STAB2: variants seen among roughly 807,000 people sequenced by gnomAD.
The protein encoded by STAB2 is stabilin 2, also known as stabilin-2.
A neutral mutation model predicts 338.1 loss-of-function variants in STAB2; 288 were observed. That is an observed-to-expected ratio of 0.85 (90% CI 0.77 to 0.94). The LOEUF is 0.94. Among genes scored for constraint, STAB2 ranks in the 40% least tolerant of loss-of-function variants. STAB2 has a pLI of 0.00. For synonymous variants in STAB2, 1,202 were observed against 1,193.3 expected, an observed-to-expected ratio of 1.01 and a Z score of -0.15; for missense variants, 3,141 against 3,210.1, an observed-to-expected ratio of 0.98 and a Z score of 0.52.
intron 3 of STAB2, among the ~76,000 whole-genome samples, chr12:103,602,120 C>T (rs1422631050): frequency 6.6e-6 from 1 of 152,184 alleles, no homozygotes; most frequent in Non-Finnish European, 1.5e-5. Flanking sequence ...TTGTCAAGCC[C>T]TCCTTCAACT....
intron 27 of STAB2, 48 bp from the exon 28 acceptor site, chr12:103,688,120 T>C: frequency 3.2e-6 from 5 of 1,565,410 alleles, no homozygotes; most frequent in Non-Finnish European, 4.4e-6. Flanking sequence ...GTTCTTTCTC[T>C]GTGTTCTCTC....
At chr12:103,673,739 A>T (rs1876054026) in intron 22 of STAB2, among the ~76,000 whole-genome samples, 168 bp from the exon 23 acceptor site, 1 of 152,000 alleles carries the variant, frequency 6.6e-6, no homozygotes, top group Non-Finnish European at 1.5e-5. Context: ...AACACTTGAG[A>T]CTCCAAGAAA....
chr12:103,764,304 T>A (rs73192020), intron 68 of STAB2, among the ~76,000 whole-genome samples: 2 of 152,180 alleles, frequency 1.3e-5, no homozygotes. Flanking sequence ...AAGATTTTAC[T>A]GCTTGTTGTC....
rs746604533 is a variant in STAB2, at chr12:103,704,586, T to G, written c.3872T>G (p.Leu1291Arg). 4.3e-6 allele frequency: 7 copies of G among 1,613,888 alleles called. No homozygotes were observed. In the South Asian group the frequency reaches 6.6e-5, roughly 15 times the overall value. Residue 1291 changes from leucine (L) to arginine (R), a missense_variant, in exon 36 of 69, where the codon CTG (leucine) becomes CGG (arginine). Physicochemically the swap from Leu to Arg is moderately radical, Grantham distance 102. Coordinates refer to ENST00000388887, the MANE Select transcript of STAB2 (RefSeq NM_017564.10). ...AGATGTAGGACATGCTCCTCAGAGC[T>G]GACCTGCCCATTCGGAACTAAATCT... ...RGRCRTCSSE[L>R]TCPFGTKSLG... is the part of the protein sequence containing the mutation.
chr12:103,620,435 G>A (rs563959171), intron 3 of STAB2, 33 bp from the exon 4 acceptor site: 137 of 1,548,474 alleles, frequency 8.8e-5, no homozygotes, highest in South Asian at 7.0e-4. Flanking sequence ...GTGCAGTCAC[G>A]AATGAATACA....
chr12:103,718,110 A>G (rs959034932), intron 44 of STAB2, among the ~76,000 whole-genome samples: 3 of 151,836 alleles, frequency 2.0e-5, no homozygotes, highest in African/African-American at 7.3e-5. Context: ...CATATTGCCA[A>G]CTCTTATGAA....
Position 103,654,625 on chromosome 12 carries a change from C to T in STAB2, c.1478C>T (p.Ala493Val). Residue 493 changes from alanine to valine, a missense_variant, in exon 13 of 69, where the codon GCT becomes GTT. Physicochemically the swap from Ala to Val is moderately conservative, Grantham distance 64. Transcript: ENST00000388887. Reference protein sequence around the residue: ...KVKIIQGDIIASNGLLHILDR... With the variant: ...KVKIIQGDIIVSNGLLHILDR... ...AAAATTATACAAGGGGACATCATTG[C>T]TTCCAATGGGCTTCTGCACATCCTT... is the stretch of plus-strand genomic sequence containing the variant. 1 of 1,614,200 alleles carries T rather than the reference C, an allele frequency of 6.2e-7. No individual in the cohort carries two copies. Among genetic ancestry groups the T allele is most frequent in the African/African-American group, 1.3e-5 (1 of 75,068 alleles).
chr12:103,762,171 T>A, intron 66 of STAB2, 103 bp from the exon 67 acceptor site: 1 of 1,506,480 alleles, frequency 6.6e-7, no homozygotes, highest in South Asian at 1.3e-5. Context: ...CATGTCAGTA[T>A]TTTTATCCCC....
chr12:103,616,895 A>T (rs1957219444), intron 3 of STAB2, among the ~76,000 whole-genome samples: 1 of 152,244 alleles, frequency 6.6e-6, no homozygotes, highest in African/African-American at 2.4e-5. Flanking sequence ...GTGAACTCAA[A>T]TGGCTGAGTT....
intron 47 of STAB2, 108 bp downstream of exon 47, chr12:103,727,458 A>G (rs1036406284): frequency 2.0e-5 from 26 of 1,277,446 alleles, no homozygotes; most frequent in Non-Finnish European, 2.9e-5. Context: ...GAGCTCTGAG[A>G]TCAGGTGGAA....
At chr12:103,697,144 G>A (rs1347159042) in intron 33 of STAB2, among the ~76,000 whole-genome samples, 1 of 152,134 alleles carries the variant, frequency 6.6e-6, no homozygotes, top group African/African-American at 2.4e-5. Context: ...CTGGCCACCT[G>A]AGGTGAGCTG....
intron 53 of STAB2, among the ~76,000 whole-genome samples, chr12:103,738,472 C>G (rs1323341121): frequency 6.6e-6 from 1 of 151,532 alleles, no homozygotes; most frequent in Non-Finnish European, 1.5e-5. Context: ...AACTGAGTCT[C>G]AAAGAGGTAA....
intron 6 of STAB2, among the ~76,000 whole-genome samples, chr12:103,634,669 G>A (rs1957515663): frequency 6.6e-6 from 1 of 152,200 alleles, no homozygotes. Flanking sequence ...GGGAACCTCT[G>A]GCTTGACACT....
intron 30 of STAB2, among the ~76,000 whole-genome samples, chr12:103,691,519 A>G (rs1277605828): frequency 6.6e-6 from 1 of 152,208 alleles, no homozygotes; most frequent in Non-Finnish European, 1.5e-5. Context: ...AAAGTGTACA[A>G]TATGATGTTT....
At chr12:103,593,197 T>C (rs1199480374) in intron 2 of STAB2, among the ~76,000 whole-genome samples, 1 of 152,232 alleles carries the variant, frequency 6.6e-6, no homozygotes, top group Non-Finnish European at 1.5e-5. Context: ...GTAGGATTAA[T>C]GGATCATATG....
Position 103,655,654 on chromosome 12 carries a change from C to T in STAB2, c.1734+73C>T, listed in dbSNP as rs1874127433. Reference sequence around the variant, plus strand: ...TCAGTCTGTGTCTAAACAGGTTTTTCCTAAACTAGAGATAGTAAATAAGTT... The same window carrying T: ...TCAGTCTGTGTCTAAACAGGTTTTTTCTAAACTAGAGATAGTAAATAAGTT... On this transcript the variant is annotated intron_variant, in intron 15 of 68. Coordinates refer to ENST00000388887, the MANE Select transcript of STAB2 (RefSeq NM_017564.10). 27 of 1,569,558 alleles carry T rather than the reference C, an allele frequency of 1.7e-5. No homozygotes were observed. The South Asian group carries it at 3.2e-4, about 19-fold the overall frequency.
rs377573399 is a variant in STAB2 at position 103,727,291 on chromosome 12, G to A, written c.4876G>A (p.Gly1626Ser). ...GGAGCATTTCGTGAAAGATCTGGTC[G>A]GCCCAGGCCCCTTCACTGTTTTTGC... ...LQEHFVKDLV[G>S]PGPFTVFAPL... is the part of the protein sequence containing the mutation. The change falls in exon 47 of 69, where the codon GGC becomes AGC. Residue 1626 changes from glycine (G) to serine (S), a missense_variant. Coordinates refer to ENST00000388887, the MANE Select transcript of STAB2 (RefSeq NM_017564.10). 106 of 1,614,216 alleles carry A rather than the reference G, an allele frequency of 6.6e-5. 2 individuals are homozygous for A. The highest frequency in any genetic ancestry group is 5.5e-4 in the South Asian group (50 of 91,084).
intron 30 of STAB2, 98 bp downstream of exon 30, chr12:103,690,636 G>T: frequency 1.0e-6 from 1 of 1,000,078 alleles, no homozygotes; most frequent in Non-Finnish European, 1.5e-6. Context: ...CCAAACATGC[G>T]CAAAACTACA....
intron 3 of STAB2, among the ~76,000 whole-genome samples, chr12:103,604,784 TCAC>T (rs1251672286): frequency 6.6e-6 from 1 of 151,744 alleles, no homozygotes; most frequent in African/African-American, 2.4e-5. Flanking sequence ...TCCATTTCAT[TCAC>T]CAGCTTTTGG....
Sources: allele counts gnomAD v4.1 joint callset (sites outside exome capture counted in the v4.1 genomes callset), GRCh38; gene constraint gnomAD v4.1.1; transcripts MANE v1.5; gene names NCBI Gene and HGNC (gene_info 2026-07-23, HGNC 2026-07-21).